The following NCAM2 variants were observed in gnomAD, a reference collection of about 807,000 sequenced individuals.
NCAM2 encodes neural cell adhesion molecule 2, also known as N-CAM-2.
In NCAM2, 30 loss-of-function variants were observed where a neutral mutation model predicts 98.1. That is an observed-to-expected ratio of 0.31 (90% confidence interval 0.23 to 0.41). NCAM2 has a LOEUF of 0.41. Among genes scored for constraint, NCAM2 ranks in the 10% least tolerant of loss-of-function variants. The probability of loss-of-function intolerance (pLI) is 1.00; values close to 1 mark genes in which losing one functional copy is unlikely to be tolerated. For missense variants in NCAM2, 867 were observed against 1,005.8 expected (o/e 0.86, Z 1.87); for synonymous variants, 368 against 342.4 (o/e 1.07, Z -0.83).
intron 12 of NCAM2, among the ~76,000 whole-genome samples, chr21:21,464,847 T>G (rs1209562582): frequency 6.6e-6 from 1 of 152,162 alleles, no homozygotes; most frequent in Non-Finnish European, 1.5e-5. Flanking sequence ...CTGAAAAGTT[T>G]GCAGGTCATT....
At chr21:21,162,921 C>T (rs1035231106) in intron 1 of NCAM2, among the ~76,000 whole-genome samples, 1 of 152,036 alleles carries the variant, frequency 6.6e-6, no homozygotes, top group Admixed American at 6.6e-5. Flanking sequence ...TTAAGTTTGC[C>T]ACTTAGAAGA....
Position 21,300,802 on chromosome 21 carries a change from C to T in NCAM2, c.619+8561C>T, listed in dbSNP as rs1332874648. On this transcript the variant is annotated intron_variant, in intron 5 of 17. Transcript: ENST00000400546. ...TATTACTTAGTTTTTTTCTCTATCC[C>T]TTTAGATTATATAATCCAAGTTATT... is the stretch of plus-strand genomic sequence containing the variant. Among the ~76,000 whole-genome samples the T allele has an allele frequency of 9.9e-5, 15 of 151,636 alleles. No individual in the cohort carries two copies. The Admixed American group carries it at 9.9e-4, about 10-fold the overall frequency.
At chr21:21,432,350 T>C (rs2077366405) in intron 12 of NCAM2, 69 bp downstream of exon 12, 1 of 1,430,326 alleles carries the variant, frequency 7.0e-7, no homozygotes, top group African/African-American at 1.4e-5. Flanking sequence ...ATGATTGGCT[T>C]TTTCGGTTTC....
intron 4 of NCAM2, among the ~76,000 whole-genome samples, chr21:21,289,153 T>TA (rs1015979426): frequency 7.2e-5 from 11 of 152,030 alleles, no homozygotes; most frequent in Non-Finnish European, 1.5e-4. Context: ...CCTTCTGCAT[T>TA]AAAAAAACTG....
intron 5 of NCAM2, among the ~76,000 whole-genome samples, chr21:21,322,973 A>G (rs1045514532): frequency 6.6e-6 from 1 of 152,178 alleles, no homozygotes; most frequent in South Asian, 2.1e-4. Context: ...AAGAAAAAAT[A>G]GAAACTTTCC....
Position 21,066,362 on chromosome 21 carries a change from T to A in NCAM2, c.55+67744T>A, listed in dbSNP as rs150458499. Among the ~76,000 whole-genome samples the A allele has an allele frequency of 1.1e-3, 173 of 152,298 alleles. 1 individual carries two copies. The highest frequency in any genetic ancestry group is 3.4e-3 in the Middle Eastern group (1 of 294). On this transcript the variant is annotated intron_variant, in intron 1 of 17. Transcript: ENST00000400546. ...ATTTAAAAATGACACCTGATTTGAT[T>A]TGAATTATTCCATATATAGAATGTA...
chr21:21,535,618 A>T (rs1989940790), intron 17 of NCAM2, among the ~76,000 whole-genome samples: 1 of 152,096 alleles, frequency 6.6e-6, no homozygotes, highest in South Asian at 2.1e-4. Context: ...AATTTAATAT[A>T]AATCCTCGGG....
chr21:21,430,394 T>TTATATATA (rs548093741), intron 11 of NCAM2, among the ~76,000 whole-genome samples: 3 of 124,956 alleles, frequency 2.4e-5, no homozygotes, highest in East Asian at 3.2e-4. Flanking sequence ...TCAGTCAAGT[T>TTATATATA]TATATATATT....
chr21:21,210,582 A>T, intron 1 of NCAM2: 1 of 1,288,964 alleles, frequency 7.8e-7, no homozygotes, highest in Non-Finnish European at 1.0e-6. Flanking sequence ...CTGATTCAGG[A>T]GGACAAGTTT....
intron 9 of NCAM2, among the ~76,000 whole-genome samples, chr21:21,383,161 A>T (rs2076195836): frequency 6.6e-6 from 1 of 152,128 alleles, no homozygotes; most frequent in Admixed American, 6.6e-5. Context: ...CATTCTCTGT[A>T]TCTTTAGATA....
intron 1 of NCAM2, among the ~76,000 whole-genome samples, chr21:21,013,812 T>C (rs925950321): frequency 6.6e-6 from 1 of 151,172 alleles, no homozygotes; most frequent in East Asian, 1.9e-4. Flanking sequence ...AAAAAGAAAT[T>C]GGTTCATGAG....
chr21:21,248,022 C>T (rs186739442), intron 1 of NCAM2, among the ~76,000 whole-genome samples: 2 of 152,162 alleles, frequency 1.3e-5, no homozygotes, highest in East Asian at 1.9e-4. Context: ...GGAAGAGGCA[C>T]TTGTGCATGT....
intron 1 of NCAM2, among the ~76,000 whole-genome samples, chr21:21,046,878 A>AG (rs2065015275): frequency 6.6e-6 from 1 of 152,218 alleles, no homozygotes; most frequent in Non-Finnish European, 1.5e-5. Context: ...CCAAACAATA[A>AG]TAGCAAAATA....
rs560603183 is a variant in NCAM2, at chr21:21,397,680, G to C, written c.1196-12594G>C. Among the ~76,000 whole-genome samples, 34 of 152,346 alleles carry C rather than the reference G, an allele frequency of 2.2e-4. No homozygotes were observed. In the South Asian group the frequency reaches 5.0e-3, roughly 22 times the overall value. On this transcript the variant is annotated intron_variant, in intron 9 of 17. Transcript: ENST00000400546. ...CCTCCTGAGAGCAGAGCGCGACTGT[G>C]CGGCTGCACATGCACCAGGGAGTGC...
intron 13 of NCAM2, 130 bp from the exon 14 acceptor site, chr21:21,468,532 G>A (rs1445148926): frequency 2.5e-6 from 2 of 794,386 alleles, no homozygotes; most frequent in African/African-American, 3.6e-5. Flanking sequence ...TCACAAAAGG[G>A]CAATGTCAAA....
At chr21:21,332,111 G>A (rs1432090142) in intron 6 of NCAM2, among the ~76,000 whole-genome samples, 1 of 151,558 alleles carries the variant, frequency 6.6e-6, no homozygotes, top group Non-Finnish European at 1.5e-5. Flanking sequence ...CACCATATTG[G>A]CCAGGCTGAT....
At chr21:21,191,377 T>C (rs2068816497) in intron 1 of NCAM2, among the ~76,000 whole-genome samples, 1 of 152,192 alleles carries the variant, frequency 6.6e-6, no homozygotes, top group Admixed American at 6.6e-5. Flanking sequence ...GTTGTGACCT[T>C]TCCATATTCA....
chr21:21,463,937 G>C (rs1983336127), intron 12 of NCAM2: 1 of 151,836 alleles, frequency 6.6e-6, no homozygotes, highest in Non-Finnish European at 1.5e-5. Context: ...CTCACAGTAG[G>C]TTTGCCCTGG....
chr21:21,190,138 C>G (rs1451741278), intron 1 of NCAM2, among the ~76,000 whole-genome samples: 2 of 152,162 alleles, frequency 1.3e-5, no homozygotes, highest in African/African-American at 2.4e-5. Flanking sequence ...GATTTAGACT[C>G]TATGCAATTG....
Sources: allele counts gnomAD v4.1 joint callset (sites outside exome capture counted in the v4.1 genomes callset), GRCh38; gene constraint gnomAD v4.1.1; transcripts MANE v1.5; gene names NCBI Gene and HGNC (gene_info 2026-07-23, HGNC 2026-07-21).